Variants in PCDH7 observed in about 807,000 individuals in gnomAD.
The protein encoded by PCDH7 is protocadherin 7, also known as protocadherin-7.
PCDH7 carries 17 observed loss-of-function variants against 58.9 expected under a neutral mutation model. That is an observed-to-expected ratio of 0.29 (90% CI 0.20 to 0.43). The LOEUF (loss-of-function observed/expected upper bound fraction) is 0.43, where lower values mean the gene tolerates loss of function less well. PCDH7 is among the 20% of genes least tolerant of loss of function. PCDH7 has a pLI of 1.00. For missense variants in PCDH7, 1,274 were observed against 1,441.0 expected (o/e 0.88, Z 1.88); for synonymous variants, 664 against 616.4 (o/e 1.08, Z -1.14).
At chr4:31,098,418 C>G (rs1244559922) in intron 3 of PCDH7, among the ~76,000 whole-genome samples, 2 of 152,134 alleles carry the variant, frequency 1.3e-5, no homozygotes, top group Non-Finnish European at 1.5e-5. Context: ...TTCTAATATT[C>G]CTAGTCACCC....
At chr4:30,823,701 A>T (rs951900524) in intron 1 of PCDH7, among the ~76,000 whole-genome samples, 1 of 152,084 alleles carries the variant, frequency 6.6e-6, no homozygotes, top group African/African-American at 2.4e-5. Context: ...TTAGATTGAT[A>T]ATATCAAGAG....
chr4:31,052,851 A>C (rs1756868486), intron 3 of PCDH7, among the ~76,000 whole-genome samples: 1 of 152,146 alleles, frequency 6.6e-6, no homozygotes, highest in Non-Finnish European at 1.5e-5. Flanking sequence ...AATATAATCA[A>C]ACCTTGTCCC....
At chr4:31,133,705 C>T (rs1002347060) in intron 3 of PCDH7, among the ~76,000 whole-genome samples, 1 of 152,152 alleles carries the variant, frequency 6.6e-6, no homozygotes, top group African/African-American at 2.4e-5. Flanking sequence ...AGTCCTCGCA[C>T]ATTTTTCTGC....
At chr4:30,868,495 G>GC (rs1289710190) in intron 1 of PCDH7, among the ~76,000 whole-genome samples, 1 of 152,036 alleles carries the variant, frequency 6.6e-6, no homozygotes, top group Non-Finnish European at 1.5e-5. Context: ...AATGTTCAGT[G>GC]CCTTCCATTT....
chr4:30,758,256 T>C (rs1382729819), intron 1 of PCDH7, among the ~76,000 whole-genome samples: 2 of 152,064 alleles, frequency 1.3e-5, no homozygotes, highest in Admixed American at 6.6e-5. Flanking sequence ...GAAACCTGTA[T>C]GGGATACTTG....
intron 3 of PCDH7, among the ~76,000 whole-genome samples, chr4:31,129,694 G>A (rs1223291719): frequency 6.6e-6 from 1 of 152,046 alleles, no homozygotes. Context: ...ATGTAATGGT[G>A]CAATCTCGGC....
At chr4:31,075,755 G>A (rs1578727686) in intron 3 of PCDH7, among the ~76,000 whole-genome samples, 2 of 152,194 alleles carry the variant, frequency 1.3e-5, no homozygotes, top group South Asian at 2.1e-4. Flanking sequence ...AATTCAACTA[G>A]GAATGTGATT....
At chr4:31,084,664 G>C (rs1451428415) in intron 3 of PCDH7, among the ~76,000 whole-genome samples, 1 of 135,020 alleles carries the variant, frequency 7.4e-6, no homozygotes. Flanking sequence ...GAAAGAGAGA[G>C]AGAGAGAGAG....
chr4:30,801,770 A>G (rs900269903), intron 1 of PCDH7, among the ~76,000 whole-genome samples: 2 of 152,208 alleles, frequency 1.3e-5, no homozygotes, highest in South Asian at 4.1e-4. Context: ...TTCCAGCTCC[A>G]GAGGGTAGAA....
intron 1 of PCDH7, among the ~76,000 whole-genome samples, chr4:30,782,613 A>G (rs1384765995): frequency 6.6e-6 from 1 of 152,246 alleles, no homozygotes; most frequent in East Asian, 1.9e-4. Flanking sequence ...TATTTAATAT[A>G]AGTTTTCCAT....
At chr4:31,086,413 CACCATA>C (rs1322706315) in intron 3 of PCDH7, among the ~76,000 whole-genome samples, 3 of 152,304 alleles carry the variant, frequency 2.0e-5, no homozygotes, top group African/African-American at 7.2e-5. Flanking sequence ...CACACATGCA[CACCATA>C]ACCTCATCTC....
chr4:30,932,575 A>G (rs1283128294), intron 2 of PCDH7, among the ~76,000 whole-genome samples: 1 of 152,178 alleles, frequency 6.6e-6, no homozygotes, highest in Non-Finnish European at 1.5e-5. Context: ...TTAATCACTC[A>G]TATGTATATT....
At chr4:31,035,385 C>T (rs1427832856) in intron 3 of PCDH7, among the ~76,000 whole-genome samples, 1 of 151,776 alleles carries the variant, frequency 6.6e-6, no homozygotes, top group Non-Finnish European at 1.5e-5. Context: ...TCCTGAGTAG[C>T]TAGGATTATG....
At chr4:31,117,830 G>A (rs1159464909) in intron 3 of PCDH7, among the ~76,000 whole-genome samples, 3 of 152,178 alleles carry the variant, frequency 2.0e-5, no homozygotes, top group African/African-American at 7.2e-5. Context: ...GATGGGTAGA[G>A]GGGTTGTTAA....
intron 3 of PCDH7, among the ~76,000 whole-genome samples, chr4:31,014,080 T>C (rs1465661797): frequency 6.6e-6 from 1 of 152,042 alleles, no homozygotes; most frequent in South Asian, 2.1e-4. Context: ...TTTTCAGTAC[T>C]AAAGTACTAA....
intron 2 of PCDH7, among the ~76,000 whole-genome samples, chr4:30,924,873 A>G (rs1743641954): frequency 6.6e-6 from 1 of 152,012 alleles, no homozygotes; most frequent in African/African-American, 2.4e-5. Context: ...TTTCTTAAAT[A>G]TCACACCATA....
chr4:30,908,707 A>G (rs191731448), intron 1 of PCDH7, among the ~76,000 whole-genome samples: 6 of 152,290 alleles, frequency 3.9e-5, no homozygotes, highest in Admixed American at 3.9e-4. Context: ...CCAGAGGTAC[A>G]AAGAGGAGCT....
intron 3 of PCDH7, among the ~76,000 whole-genome samples, chr4:31,003,960 C>A (rs1466568325): frequency 6.6e-6 from 1 of 152,094 alleles, no homozygotes; most frequent in Non-Finnish European, 1.5e-5. Context: ...TTTGTACAGA[C>A]CTGACATCAG....
rs200755527 is a variant in PCDH7 at position 30,723,264 on chromosome 4, A to T, written c.1842A>T (p.Lys614Asn). The T allele has an allele frequency of 6.8e-6, 11 of 1,614,084 alleles. No homozygotes were observed. Among genetic ancestry groups the T allele is most frequent in the Non-Finnish European group, 6.8e-6 (8 of 1,180,034 alleles). ...AGTTTAAAGTTAACGCCAAAGACAA[A>T]GGCATCCCCGTGCTGCAGGGCAGCA... Residue 614 changes from lysine to asparagine, a missense_variant, in exon 1 of 2, where the codon AAA (lysine) becomes AAT (asparagine). Lys to Asn is a moderately conservative substitution (Grantham distance 94, BLOSUM62 0). Coordinates refer to ENST00000361762, the Ensembl canonical transcript of PCDH7. The surrounding 1 kb of genome is among the most constrained non-coding windows in gnomAD (Gnocchi z 4.6).
Sources: allele counts gnomAD v4.1 joint callset (sites outside exome capture counted in the v4.1 genomes callset), GRCh38; gene constraint gnomAD v4.1.1; non-coding constraint Gnocchi (gnomAD v3.1); transcripts MANE v1.5; gene names NCBI Gene and HGNC (gene_info 2026-07-23, HGNC 2026-07-21).